The following MGAT4C variants were observed in gnomAD, a reference collection of about 807,000 sequenced individuals.
MGAT4C encodes the protein alpha-1,3-mannosyl-glycoprotein 4-beta-N-acetylglucosaminyltransferase C.
Under a neutral mutation model 40.1 loss-of-function variants are expected in MGAT4C, and 19 were observed. That is an observed-to-expected ratio of 0.47 (90% CI 0.33 to 0.70). The LOEUF (loss-of-function observed/expected upper bound fraction) is 0.70, where lower values mean the gene tolerates loss of function less well. Among genes scored for constraint, MGAT4C ranks in the 30% least tolerant of loss-of-function variants. The probability of loss-of-function intolerance (pLI) is 0.02; values close to 1 mark genes in which losing one functional copy is unlikely to be tolerated. For synonymous variants in MGAT4C, 181 were observed against 187.1 expected, an observed-to-expected ratio of 0.97 and a Z score of 0.27; for missense variants, 491 against 563.2, an observed-to-expected ratio of 0.87 and a Z score of 1.30.
intron 1 of MGAT4C, among the ~76,000 whole-genome samples, chr12:86,051,004 G>A (rs1892840520): frequency 6.6e-6 from 1 of 151,810 alleles, no homozygotes; most frequent in South Asian, 2.1e-4. Flanking sequence ...TTGTTATTCA[G>A]AAGGCTGTAG....
intron 1 of MGAT4C, among the ~76,000 whole-genome samples, chr12:86,103,123 C>G (rs987293316): frequency 6.6e-6 from 1 of 152,002 alleles, no homozygotes; most frequent in Non-Finnish European, 1.5e-5. Flanking sequence ...ACAGCTGGTA[C>G]CTTGACTGAC....
At chr12:86,543,033 T>C (rs1233512165) in intron 2 of MGAT4C, among the ~76,000 whole-genome samples, 1 of 152,084 alleles carries the variant, frequency 6.6e-6, no homozygotes, top group Non-Finnish European at 1.5e-5. Flanking sequence ...CATATGTTAC[T>C]TTTATTTTGC....
chr12:86,470,038 T>A (rs892725406), intron 2 of MGAT4C, among the ~76,000 whole-genome samples: 2 of 152,186 alleles, frequency 1.3e-5, no homozygotes, highest in Admixed American at 6.6e-5. Context: ...TTCCGCTGTA[T>A]GTATACACCA....
At chr12:86,569,288 G>A (rs1337335907) in intron 2 of MGAT4C, among the ~76,000 whole-genome samples, 3 of 151,994 alleles carry the variant, frequency 2.0e-5, no homozygotes, top group Non-Finnish European at 4.4e-5. Flanking sequence ...GTATTCTTCT[G>A]ACAAAGAACT....
intron 1 of MGAT4C, among the ~76,000 whole-genome samples, chr12:86,182,230 G>C (rs1194385952): frequency 6.6e-6 from 1 of 151,894 alleles, no homozygotes; most frequent in East Asian, 1.9e-4. Context: ...ATTTCACTGG[G>C]CTAATCATTC....
At chr12:86,380,002 C>T (rs1955899057) in intron 3 of MGAT4C, among the ~76,000 whole-genome samples, 1 of 152,030 alleles carries the variant, frequency 6.6e-6, no homozygotes, top group Non-Finnish European at 1.5e-5. Context: ...TAACCTTTCA[C>T]TCTATGAATT....
chr12:86,704,301 T>C (rs1236953940), intron 2 of MGAT4C, among the ~76,000 whole-genome samples: 4 of 152,058 alleles, frequency 2.6e-5, no homozygotes, highest in Non-Finnish European at 5.9e-5. Context: ...GGATAGAGAA[T>C]GATAGAAACT....
At chr12:86,311,094 G>A (rs1445684405) in intron 4 of MGAT4C, among the ~76,000 whole-genome samples, 1 of 152,218 alleles carries the variant, frequency 6.6e-6, no homozygotes, top group Non-Finnish European at 1.5e-5. Context: ...ATTAGTTACA[G>A]TCATGCATCA....
chr12:86,039,296 T>C (rs533638151), intron 2 of MGAT4C, among the ~76,000 whole-genome samples: 1 of 152,330 alleles, frequency 6.6e-6, no homozygotes, highest in South Asian at 2.1e-4. Flanking sequence ...TTCTCCTGGA[T>C]AATATCCTGA....
At chr12:86,767,453 A>G (rs920747948) in intron 1 of MGAT4C, among the ~76,000 whole-genome samples, 22 of 152,184 alleles carry the variant, frequency 1.4e-4, no homozygotes, top group Non-Finnish European at 2.5e-4. Flanking sequence ...AGGAACTGGC[A>G]CCATTCCTTC....
At chr12:86,800,620 G>A (rs1194667969) in intron 1 of MGAT4C, among the ~76,000 whole-genome samples, 1 of 151,760 alleles carries the variant, frequency 6.6e-6, no homozygotes, top group Non-Finnish European at 1.5e-5. Context: ...TCAGACAATA[G>A]GATATTTGAA....
At chr12:86,088,063 A>C (rs1872227054) in intron 1 of MGAT4C, among the ~76,000 whole-genome samples, 1 of 152,006 alleles carries the variant, frequency 6.6e-6, no homozygotes, top group Non-Finnish European at 1.5e-5. Flanking sequence ...CAGAACCCAG[A>C]AATAACGCCA....
intron 2 of MGAT4C, among the ~76,000 whole-genome samples, chr12:86,559,856 AGTT>A (rs931389336): frequency 2.0e-5 from 3 of 151,960 alleles, no homozygotes; most frequent in East Asian, 1.9e-4. Context: ...TGAAATAAAT[AGTT>A]GTTGTTGTTG....
chr12:86,514,243 T>C (rs1958645228), intron 2 of MGAT4C, among the ~76,000 whole-genome samples: 2 of 152,118 alleles, frequency 1.3e-5, no homozygotes, highest in South Asian at 4.1e-4. Context: ...AATACAAAGT[T>C]AACAGAATTA....
chr12:86,298,991 A>G (rs1003853468), intron 4 of MGAT4C, among the ~76,000 whole-genome samples: 1 of 152,188 alleles, frequency 6.6e-6, no homozygotes, highest in Non-Finnish European at 1.5e-5. Context: ...ACTATTTAAA[A>G]CATATATATG....
intron 1 of MGAT4C, among the ~76,000 whole-genome samples, chr12:86,245,114 T>A (rs1398562519): frequency 6.6e-6 from 1 of 151,602 alleles, no homozygotes; most frequent in Non-Finnish European, 1.5e-5. Flanking sequence ...CACTCTAAAC[T>A]AAAAAAAATA....
At chr12:86,792,759 C>T (rs1397261308) in intron 1 of MGAT4C, among the ~76,000 whole-genome samples, 2 of 151,978 alleles carry the variant, frequency 1.3e-5, no homozygotes, top group African/African-American at 4.8e-5. Context: ...TGGTGAAACC[C>T]CATTTCCACT....
intron 3 of MGAT4C, among the ~76,000 whole-genome samples, chr12:86,351,006 A>G (rs777974722): frequency 4.0e-5 from 6 of 151,672 alleles, no homozygotes; most frequent in Non-Finnish European, 7.4e-5. Flanking sequence ...GTTCAAATAT[A>G]TGATATGGAA....
intron 3 of MGAT4C, among the ~76,000 whole-genome samples, chr12:86,358,163 G>A (rs1023543785): frequency 6.6e-6 from 1 of 152,158 alleles, no homozygotes; most frequent in African/African-American, 2.4e-5. Context: ...GAAGAGAGTG[G>A]GGGCCAATAT....
Sources: allele counts gnomAD v4.1 joint callset (sites outside exome capture counted in the v4.1 genomes callset), GRCh38; gene constraint gnomAD v4.1.1; transcripts MANE v1.5; gene names NCBI Gene and HGNC (gene_info 2026-07-23, HGNC 2026-07-21).